The following GRAMD1C variants were observed in gnomAD, a reference collection of about 807,000 sequenced individuals.
GRAMD1C encodes the protein GRAM domain containing 1C.
In GRAMD1C, 89 loss-of-function variants were observed where a neutral mutation model predicts 97.8. The ratio of observed to expected loss-of-function variants is 0.91; its 90% CI spans 0.77 to 1.09. GRAMD1C has a LOEUF of 1.09. Ranked by LOEUF, GRAMD1C falls within the 50% of genes least tolerant of loss-of-function variation. The pLI is 0.00. For synonymous variants in GRAMD1C, 256 were observed against 267.0 expected (o/e 0.96, Z 0.40); for missense variants, 740 against 766.4 (o/e 0.97, Z 0.41).
At chr3:113,830,395 G>A (rs529432101) in intron 1 of GRAMD1C, among the ~76,000 whole-genome samples, 174 of 152,214 alleles carry the variant, frequency 1.1e-3, no homozygotes, top group African/African-American at 3.9e-3. Context: ...CTATGTTTGC[G>A]GCTTGATTTT....
upstream of GRAMD1C, among the ~76,000 whole-genome samples, chr3:113,835,574 C>T (rs73858325): frequency 0.045 from 6,863 of 152,154 alleles, 443 homozygotes; most frequent in African/African-American, 0.14. Context: ...GAGCTTTGTC[C>T]CAGATTACAT....
At chr3:113,920,391 A>T (rs113224460) in intron 10 of GRAMD1C, among the ~76,000 whole-genome samples, 1 of 152,222 alleles carries the variant, frequency 6.6e-6, no homozygotes, top group African/African-American at 2.4e-5. Context: ...TATACATTTT[A>T]AAAAATGCTC....
intron 3 of GRAMD1C, among the ~76,000 whole-genome samples, chr3:113,872,916 A>C (rs1934879635): frequency 7.1e-6 from 1 of 140,904 alleles, no homozygotes; most frequent in African/African-American, 2.7e-5. Flanking sequence ...TACTAAAAAT[A>C]CAAAAAAAAA....
At chr3:113,915,348 C>T (rs1936771712) in intron 9 of GRAMD1C, among the ~76,000 whole-genome samples, 1 of 152,124 alleles carries the variant, frequency 6.6e-6, no homozygotes, top group South Asian at 2.1e-4. Context: ...TCTTATGTGT[C>T]TATATTGTCC....
At chr3:113,879,130 G>A (rs1278518716) in intron 5 of GRAMD1C, among the ~76,000 whole-genome samples, 4 of 151,888 alleles carry the variant, frequency 2.6e-5, no homozygotes, top group African/African-American at 9.7e-5. Context: ...GCTTGAACCC[G>A]GGGGGTGGAG....
chr3:113,935,913 G>A (rs1267317840), intron 13 of GRAMD1C, among the ~76,000 whole-genome samples: 1 of 152,180 alleles, frequency 6.6e-6, no homozygotes, highest in Non-Finnish European at 1.5e-5. Flanking sequence ...GTAAGGTTGA[G>A]AAGTACCATA....
intron 9 of GRAMD1C, among the ~76,000 whole-genome samples, chr3:113,914,384 T>C (rs1936723865): frequency 6.6e-6 from 1 of 152,282 alleles, no homozygotes; most frequent in Non-Finnish European, 1.5e-5. Context: ...ACACAAATCA[T>C]CCAATGAGGG....
chr3:113,849,732 T>C (rs1009890308), intron 2 of GRAMD1C, among the ~76,000 whole-genome samples: 4 of 152,322 alleles, frequency 2.6e-5, no homozygotes, highest in African/African-American at 7.2e-5. Flanking sequence ...TTCTCAATCT[T>C]TTCCCCACCT....
At position 113,858,106 on chromosome 3, in the gene GRAMD1C, A is replaced by C. The variant is rs145098114; in HGVS notation, c.175-11401A>C. On this transcript the variant is annotated intron_variant, in intron 2 of 17. Transcript: ENST00000358160. The stretch of plus-strand genomic sequence containing the variant: ...TTTTGTAGAATTCTCCAGTAAAACT[A>C]TCTGGGCCTGGAGATTTCTTCCTTG... Among the ~76,000 whole-genome samples the C allele has an allele frequency of 8.7e-3, 1,328 of 152,268 alleles. 26 individuals carry two copies. Among genetic ancestry groups the C allele is most frequent in the African/African-American group, 0.031 (1,270 of 41,558 alleles).
intron 14 of GRAMD1C, among the ~76,000 whole-genome samples, chr3:113,937,873 C>T (rs1054674328): frequency 2.6e-5 from 4 of 152,136 alleles, no homozygotes; most frequent in Admixed American, 6.5e-5. Context: ...GGCATGGTGG[C>T]GCATGCCTGT....
chr3:113,861,304 G>A (rs1050486023), intron 2 of GRAMD1C, among the ~76,000 whole-genome samples: 10 of 152,126 alleles, frequency 6.6e-5, no homozygotes, highest in African/African-American at 2.4e-4. Flanking sequence ...GATATGACAT[G>A]AAAATCTCAA....
At chr3:113,941,697 C>A (rs1415711313) in intron 17 of GRAMD1C, among the ~76,000 whole-genome samples, 1 of 151,378 alleles carries the variant, frequency 6.6e-6, no homozygotes, top group Admixed American at 6.6e-5. Context: ...CAGCTCACCA[C>A]AACCTCTGCC....
chr3:113,850,760 G>T (rs1436481875), intron 2 of GRAMD1C: 18 of 1,214,860 alleles, frequency 1.5e-5, no homozygotes, highest in South Asian at 1.1e-4. Context: ...CGGGGCTGAG[G>T]CTGGAAAGGA....
In GRAMD1C at chr3:113,943,472, C is replaced by T. The variant is rs115601418; in HGVS notation, c.1909-1926C>T. Reference sequence around the variant, plus strand: ...AGTTAATTCCCATCCCTCACTCCCCCTGACCCCTGGCACCCACTAATCTAA... The same window carrying T: ...AGTTAATTCCCATCCCTCACTCCCCTTGACCCCTGGCACCCACTAATCTAA... On this transcript the variant is annotated intron_variant, in intron 17 of 17. Transcript: ENST00000358160. Among the ~76,000 whole-genome samples the T allele has an allele frequency of 9.4e-3, 1,435 of 152,344 alleles. 22 individuals carry two copies. The highest frequency in any genetic ancestry group is 0.03 in the African/African-American group (1,256 of 41,570).
At chr3:113,938,888 T>G (rs910460677) in intron 15 of GRAMD1C, 3 of 152,200 alleles carry the variant, frequency 2.0e-5, no homozygotes, top group Non-Finnish European at 4.4e-5. Flanking sequence ...AGCTTTTTTT[T>G]GTCTAATTAT....
intron 5 of GRAMD1C, among the ~76,000 whole-genome samples, chr3:113,880,614 C>T (rs965672769): frequency 6.6e-6 from 1 of 152,152 alleles, no homozygotes; most frequent in Non-Finnish European, 1.5e-5. Flanking sequence ...CTCTTATGCT[C>T]ATGTGTGACT....
In GRAMD1C at chr3:113,904,283, G is replaced by T; in HGVS notation, c.789+11G>T. ...AATTCATCAAAAGGAGTTAGTATAT[G>T]ATATCCCTTTTAAAATATATCTGGT... On this transcript the variant is annotated intron_variant, in intron 8 of 17. Transcript: ENST00000358160. 6.4e-7 allele frequency: 1 copy of T among 1,563,730 alleles called. No individual in the cohort carries two copies. Among genetic ancestry groups the T allele is most frequent in the South Asian group, 1.1e-5 (1 of 89,868 alleles).
Position 113,946,995 on chromosome 3 carries a change from C to T in GRAMD1C, c.*1517C>T, listed in dbSNP as rs1237066377. The T allele has an allele frequency of 6.6e-6, 1 of 152,080 alleles. No individual in the cohort carries two copies. Among genetic ancestry groups the T allele is most frequent in the Non-Finnish European group, 1.5e-5 (1 of 68,022 alleles). 9.4% of individuals were successfully genotyped at this position (152,080 alleles called of 1,614,324 possible). On this transcript the variant is annotated 3_prime_UTR_variant, in exon 18 of 18. Transcript: ENST00000358160. ...TCTCTGTTAAAGTCACAAAAATGATCGACAAACAATATTTTTGTGATGTTT... is the reference window on the plus strand; with the variant it reads ...TCTCTGTTAAAGTCACAAAAATGATTGACAAACAATATTTTTGTGATGTTT...
chr3:113,839,052 C>G, intron 1 of GRAMD1C, 116 bp downstream of exon 1: 1 of 663,972 alleles, frequency 1.5e-6, no homozygotes, highest in South Asian at 7.5e-5. Context: ...CCCTTTTCTT[C>G]GTGCTCTTTG....
Sources: gnomAD v4.1 joint callset for allele counts (sites outside exome capture counted in the v4.1 genomes callset) on GRCh38, gnomAD v4.1.1 for gene constraint, MANE v1.5 for transcripts, NCBI Gene and HGNC (gene_info 2026-07-23, HGNC 2026-07-21) for gene names.